The following SKP1 variants were observed in gnomAD, a reference collection of about 807,000 sequenced individuals.
The protein encoded by SKP1 is S-phase kinase associated protein 1.
Under a neutral mutation model 21.5 loss-of-function variants are expected in SKP1, and 1 was observed. The ratio of observed to expected loss-of-function variants is 0.05; its 90% confidence interval spans 0.02 to 0.22. SKP1 has a LOEUF of 0.22. Among genes scored for constraint, SKP1 ranks in the 10% least tolerant of loss-of-function variants. The pLI, the probability that SKP1 is intolerant of heterozygous loss-of-function variation, is 1.00. For synonymous variants in SKP1, 59 were observed against 59.3 expected (o/e 0.99, Z 0.03); for missense variants, 70 against 192.0 (o/e 0.36, Z 3.76).
At position 134,171,216 on chromosome 5, in the gene SKP1, A is replaced by G. The variant is rs1361642516; in HGVS notation, c.97+2710T>C. ...ACAGAAGACACATCCTCTGCAATTC[A>G]GCTTCTGCCTCTACCACACCTAAGT... is the stretch of plus-strand genomic sequence containing the variant. On this transcript the variant is annotated intron_variant, in intron 2 of 5. Transcript: ENST00000353411. 2.6e-5 allele frequency among the ~76,000 whole-genome samples: 4 copies of G among 152,340 alleles called. No individual in the cohort carries two copies. The South Asian group carries it at 6.2e-4, about 24-fold the overall frequency.
intron 1 of SKP1, 161 bp downstream of exon 1, chr5:134,176,694 G>A (rs1427530700): frequency 6.6e-6 from 1 of 152,268 alleles, no homozygotes; most frequent in African/African-American, 2.4e-5. Flanking sequence ...ACCTGGTAGG[G>A]TCTCCCGAAG....
At chr5:134,160,530 T>G (rs1183020217) in intron 4 of SKP1, among the ~76,000 whole-genome samples, 2 of 152,180 alleles carry the variant, frequency 1.3e-5, no homozygotes, top group African/African-American at 2.4e-5. Context: ...TTTGTTTCAC[T>G]TCTTGGAAGT....
intron 4 of SKP1, among the ~76,000 whole-genome samples, chr5:134,159,162 T>C (rs1168899352): frequency 6.6e-6 from 1 of 152,212 alleles, no homozygotes; most frequent in Non-Finnish European, 1.5e-5. Flanking sequence ...ATTCCATCAA[T>C]TTCCCTCTAA....
intron 3 of SKP1, among the ~76,000 whole-genome samples, chr5:134,163,363 T>G (rs1761258489): frequency 6.6e-6 from 1 of 151,622 alleles, no homozygotes; most frequent in South Asian, 2.1e-4. Context: ...GCCACATTAC[T>G]TTGTGGGGGG....
intron 4 of SKP1, among the ~76,000 whole-genome samples, chr5:134,159,826 C>G (rs55682572): frequency 6.6e-6 from 1 of 151,756 alleles, no homozygotes; most frequent in African/African-American, 2.4e-5. Context: ...GGATTATAGG[C>G]GTGAGCCACC....
At chr5:134,172,018 T>G (rs1761451336) in intron 2 of SKP1, among the ~76,000 whole-genome samples, 1 of 152,242 alleles carries the variant, frequency 6.6e-6, no homozygotes, top group South Asian at 2.1e-4. Flanking sequence ...CACACCAGGC[T>G]GGGCAACAAG....
rs921504488 is a variant in SKP1 at position 134,156,902 on chromosome 5, T to G, written c.*831A>C. Reference sequence around the variant, plus strand: ...TATATAACTTACTTTTTATTGAAAGTATCTTGCATTCATGATGGATGCTTT... The same window carrying G: ...TATATAACTTACTTTTTATTGAAAGGATCTTGCATTCATGATGGATGCTTT... On this transcript the variant is annotated 3_prime_UTR_variant, in exon 6 of 6. Coordinates refer to ENST00000353411, the MANE Select transcript of SKP1 (RefSeq NM_170679.3). 1 of 152,702 alleles carries G rather than the reference T, an allele frequency of 6.5e-6. No homozygotes were observed. Among genetic ancestry groups the G allele is most frequent in the Non-Finnish European group, 1.5e-5 (1 of 68,044 alleles). 9.5% of individuals were successfully genotyped at this position (152,702 alleles called of 1,614,324 possible).
At chr5:134,169,007 A>T (rs974833436) in intron 2 of SKP1, among the ~76,000 whole-genome samples, 4 of 152,074 alleles carry the variant, frequency 2.6e-5, no homozygotes, top group Non-Finnish European at 5.9e-5. Context: ...CTGTGTAGAG[A>T]TATAGCGAAG....
rs1347354196 is a variant in SKP1, at chr5:134,149,406, A to G, written c.*8327T>C. 2.0e-5 allele frequency: 3 copies of G among 152,230 alleles called. No homozygotes were observed. The highest frequency in any genetic ancestry group is 2.9e-5 in the Non-Finnish European group (2 of 68,040). 9.4% of individuals were successfully genotyped at this position (152,230 alleles called of 1,614,324 possible). A position where few individuals can be genotyped will look rare whatever the true frequency, so the allele number is the denominator to read the frequency against. On this transcript the variant is annotated 3_prime_UTR_variant, in exon 6 of 6. Transcript: ENST00000353411. ...TAAAAGGTGTCATGAAGGCACCTCA[A>G]TAGGTCAGTCAACAAGTAGATGATA... is the stretch of plus-strand genomic sequence containing the variant.
At chr5:134,168,553 T>C (rs1761377555) in intron 2 of SKP1, among the ~76,000 whole-genome samples, 1 of 152,096 alleles carries the variant, frequency 6.6e-6, no homozygotes, top group Non-Finnish European at 1.5e-5. Context: ...AACAATATTA[T>C]GGGTAAGGAA....
At chr5:134,168,955 T>C (rs1327270418) in intron 2 of SKP1, among the ~76,000 whole-genome samples, 2 of 151,814 alleles carry the variant, frequency 1.3e-5, no homozygotes, top group Non-Finnish European at 2.9e-5. Context: ...AACTGGTGTA[T>C]AGATGGTTTA....
In SKP1 at chr5:134,151,794, A is replaced by C; in HGVS notation, c.*5939T>G. 1 of 404,624 alleles carries C rather than the reference A, an allele frequency of 2.5e-6. No homozygotes were observed. The highest frequency in any genetic ancestry group is 5.1e-6 in the Non-Finnish European group (1 of 196,990). The allele number at this position is 404,624 out of a possible 1,614,324, so 25.1% of individuals were successfully genotyped here. A position where few individuals can be genotyped will look rare whatever the true frequency, so the allele number is the denominator to read the frequency against. ...GACCAGAGGTAGCCAGCAGTACACA[A>C]GACTGCAAGGCAACAAGTACATTAT... is the stretch of plus-strand genomic sequence containing the variant. On this transcript the variant is annotated 3_prime_UTR_variant, in exon 6 of 6. Coordinates refer to ENST00000353411, the MANE Select transcript of SKP1 (RefSeq NM_170679.3).
chr5:134,175,694 T>C (rs1418460118), intron 1 of SKP1: 1 of 152,262 alleles, frequency 6.6e-6, no homozygotes, highest in Non-Finnish European at 1.5e-5. Flanking sequence ...GAGACCTTAC[T>C]AAATAGCAGC....
At position 134,151,623 on chromosome 5, in the gene SKP1, T is replaced by G. The variant is rs919895788; in HGVS notation, c.*6110A>C. Reference sequence around the variant, plus strand: ...GTTGAAAATTTGAAGTTAAGAGATATCAGAAGGTCTGAATATACTTAAATA... The same window carrying G: ...GTTGAAAATTTGAAGTTAAGAGATAGCAGAAGGTCTGAATATACTTAAATA... On this transcript the variant is annotated 3_prime_UTR_variant, in exon 6 of 6. Coordinates refer to ENST00000353411, the MANE Select transcript of SKP1 (RefSeq NM_170679.3). 2.2e-6 allele frequency: 1 copy of G among 454,436 alleles called. No homozygotes were observed. Among genetic ancestry groups the G allele is most frequent in the Non-Finnish European group, 4.4e-6 (1 of 225,976 alleles). 28.2% of individuals were successfully genotyped at this position (454,436 alleles called of 1,614,324 possible). A position where few individuals can be genotyped will look rare whatever the true frequency, so the allele number is the denominator to read the frequency against.
At chr5:134,175,992 A>G (rs916761941) in intron 1 of SKP1, among the ~76,000 whole-genome samples, 8 of 152,202 alleles carry the variant, frequency 5.3e-5, no homozygotes, top group African/African-American at 1.7e-4. Flanking sequence ...TTTAGACTGC[A>G]CAGTGGAGGA....
In SKP1 at chr5:134,156,306, C is replaced by A. The variant is rs1413257607; in HGVS notation, c.*1427G>T. The A allele has an allele frequency of 1.3e-5, 2 of 151,978 alleles. No individual in the cohort carries two copies. The highest frequency in any genetic ancestry group is 2.9e-5 in the Non-Finnish European group (2 of 67,994). 9.4% of individuals were successfully genotyped at this position (151,978 alleles called of 1,614,324 possible). ...TTTACAACGTAAAAACCATTTTTAG[C>A]TCAAAGACTACAAAAACAGGCTATG... On this transcript the variant is annotated 3_prime_UTR_variant, in exon 6 of 6. Coordinates refer to ENST00000353411, the MANE Select transcript of SKP1 (RefSeq NM_170679.3).
intron 2 of SKP1, chr5:134,173,676 G>T (rs1005597223): frequency 3.5e-6 from 2 of 564,962 alleles, no homozygotes; most frequent in African/African-American, 3.8e-5. Context: ...CTAAGGCTTG[G>T]CAATCACTTC....
At chr5:134,173,570 C>A in intron 2 of SKP1, 1 of 372,194 alleles carries the variant, frequency 2.7e-6, no homozygotes, top group Admixed American at 3.7e-5. Flanking sequence ...TTCTATTCAG[C>A]CACCATTATA....
Position 134,154,242 on chromosome 5 carries a change from T to TC in SKP1, c.*3490dup. ...GCGGGCGGATCACAAGGTCAGGAGT[T>TC]CAAGACCAGCCTGGCCAATATGGTA... On this transcript the variant is annotated 3_prime_UTR_variant, in exon 6 of 6. Transcript: ENST00000353411. The TC allele has an allele frequency of 6.6e-6, 1 of 151,766 alleles. No individual in the cohort carries two copies. Among genetic ancestry groups the TC allele is most frequent in the East Asian group, 1.9e-4 (1 of 5,164 alleles). 9.4% of individuals were successfully genotyped at this position (151,766 alleles called of 1,614,324 possible).
Sources: gnomAD v4.1 joint callset for allele counts (sites outside exome capture counted in the v4.1 genomes callset) on GRCh38, gnomAD v4.1.1 for gene constraint, MANE v1.5 for transcripts, NCBI Gene and HGNC (gene_info 2026-07-23, HGNC 2026-07-21) for gene names.